Variants in PRH1 observed in about 807,000 individuals in gnomAD.
PRH1 encodes proline rich protein HaeIII subfamily 1, also known as salivary acidic proline-rich phosphoprotein 1/2.
Under a neutral mutation model 7.9 loss-of-function variants are expected in PRH1, and 7 were observed. That is an observed-to-expected ratio of 0.89 (90% CI 0.50 to 1.67). PRH1 has a LOEUF of 1.67. PRH1 is among the 40% of genes most tolerant of loss of function. The probability of loss-of-function intolerance (pLI) is 0.00; values close to 1 mark genes in which losing one functional copy is unlikely to be tolerated. For synonymous variants in PRH1, 45 were observed against 80.8 expected (o/e 0.56, Z 2.38); for missense variants, 109 against 223.6 (o/e 0.49, Z 3.27).
intron 1 of PRH1, among the ~76,000 whole-genome samples, chr12:10,994,336 T>C (rs1383917156): frequency 6.6e-6 from 1 of 152,116 alleles, no homozygotes; most frequent in Non-Finnish European, 1.5e-5. Context: ...CAGTGGGAAA[T>C]AGAAGACAGA....
downstream of PRH1, among the ~76,000 whole-genome samples, chr12:11,118,855 C>G (rs917892952): frequency 6.6e-6 from 1 of 151,914 alleles, no homozygotes; most frequent in Non-Finnish European, 1.5e-5. Flanking sequence ...ATTAGCTGGG[C>G]GTGGTGGCTG....
intron 2 of PRH1, among the ~76,000 whole-genome samples, chr12:10,944,095 A>C (rs1357874284): frequency 1.3e-5 from 2 of 152,126 alleles, no homozygotes; most frequent in African/African-American, 4.8e-5. Context: ...TTGTAAAATA[A>C]ATTTTTCCAG....
chr12:10,997,719 C>G (rs763358752), intron 1 of PRH1: 1 of 1,613,870 alleles, frequency 6.2e-7, no homozygotes, highest in South Asian at 1.1e-5. Context: ...ACTCTGGAGA[C>G]TGCCAGAGCA....
intron 1 of PRH1, among the ~76,000 whole-genome samples, chr12:11,019,011 A>AC: frequency 6.6e-6 from 1 of 152,278 alleles, no homozygotes; most frequent in Admixed American, 6.5e-5. Flanking sequence ...AATAAATTAA[A>AC]AAAAAACTAT....
In PRH1 at chr12:10,972,994, C is replaced by G. The variant is rs371269132; in HGVS notation, c.-59+661G>C. ...GGAGAAATTATTGTCCTATAATTTTCAAAATGAAGAATAAATTTCAGGGAG... is the reference window on the plus strand; with the variant it reads ...GGAGAAATTATTGTCCTATAATTTTGAAAATGAAGAATAAATTTCAGGGAG... On this transcript the variant is annotated intron_variant, in intron 2 of 3. Coordinates refer to the PRH1 transcript ENST00000539853. Among the ~76,000 whole-genome samples, 65 of 117,442 alleles carry G rather than the reference C, an allele frequency of 5.5e-4. No homozygotes were observed. In the East Asian group the frequency reaches 0.011, roughly 20 times the overall value. The allele number at this position is 117,442 out of a possible 152,430, so 77.0% of individuals were successfully genotyped here.
At chr12:11,057,967 G>C in intron 1 of PRH1, among the ~76,000 whole-genome samples, 2 of 134,422 alleles carry the variant, frequency 1.5e-5, no homozygotes, top group Middle Eastern at 7.6e-3. Context: ...TAATATTACA[G>C]CCCGGGCCCT....
chr12:10,944,396 G>T (rs1230377646), intron 2 of PRH1, among the ~76,000 whole-genome samples: 2 of 152,094 alleles, frequency 1.3e-5, no homozygotes, highest in Non-Finnish European at 2.9e-5. Context: ...GAATACAAGT[G>T]ATTTTTGTAC....
At chr12:11,031,433 G>A (rs1267204204) in intron 1 of PRH1, 2 of 1,402,362 alleles carry the variant, frequency 1.4e-6, no homozygotes, top group Non-Finnish European at 1.9e-6. Context: ...CAAAAATGGA[G>A]CCACCGACCT....
intron 1 of PRH1, among the ~76,000 whole-genome samples, chr12:11,167,513 C>G (rs895258258): frequency 1.3e-5 from 2 of 150,474 alleles, no homozygotes; most frequent in Admixed American, 6.6e-5. Context: ...GGCCCCATCT[C>G]GGCTCACTGC....
At chr12:11,026,134 C>A (rs1941900874) in intron 1 of PRH1, among the ~76,000 whole-genome samples, 1 of 152,218 alleles carries the variant, frequency 6.6e-6, no homozygotes, top group African/African-American at 2.4e-5. Context: ...CTCCTGCGCT[C>A]AAGCAATCCT....
intron 1 of PRH1, among the ~76,000 whole-genome samples, chr12:11,157,266 G>A (rs1462595549): frequency 6.6e-6 from 1 of 152,142 alleles, no homozygotes; most frequent in Non-Finnish European, 1.5e-5. Context: ...GAAAATTCAA[G>A]GAGCAGAACT....
chr12:10,961,802 C>A (rs1236018704), intron 2 of PRH1, among the ~76,000 whole-genome samples: 1 of 152,214 alleles, frequency 6.6e-6, no homozygotes, highest in African/African-American at 2.4e-5. Flanking sequence ...CATTCTCCCT[C>A]CTCTCTCGCT....
chr12:10,882,248 T>C lies in PRH1; in HGVS notation c.551A>G (p.Gln184Arg), dbSNP rs763190847. 3.7e-6 allele frequency: 6 copies of C among 1,613,652 alleles called. No homozygotes were observed. Among genetic ancestry groups the C allele is most frequent in the South Asian group, 1.1e-5 (1 of 91,032 alleles). The change falls in exon 3 of 4, where the codon CAG becomes CGG. Residue 184 changes from glutamine to arginine, a missense_variant. This residue lies in a region of PRH1 where 45 missense variants were observed against 88.8 expected (regional missense o/e 0.51). Transcript: ENST00000543626. ...GGRPQGPPQG[Q>R]SPQ The stretch of plus-strand genomic sequence containing the variant: ...TTGAATCCTAGATTACTGAGGAGAC[T>C]GCCCCTGTGGAGGTCCTTGTGGGCG...
intron 1 of PRH1, among the ~76,000 whole-genome samples, chr12:11,163,319 AATAAT>A (rs1353874024): frequency 1.3e-5 from 2 of 152,130 alleles, no homozygotes; most frequent in Non-Finnish European, 2.9e-5. Flanking sequence ...ACATTTATTA[AATAAT>A]CACTAAAAAT....
chr12:11,154,272 G>A (rs1388477646), intron 1 of PRH1, among the ~76,000 whole-genome samples: 1 of 152,138 alleles, frequency 6.6e-6, no homozygotes, highest in Non-Finnish European at 1.5e-5. Context: ...ATCAAGTATT[G>A]TAAGAAGCCA....
chr12:11,084,189 G>A lies in PRH1; in HGVS notation n.124-37001C>T, dbSNP rs998175900. On this transcript the variant is annotated intron_variant and non_coding_transcript_variant, in intron 1 of 4. Transcript: ENST00000541977. ...CCCTCCTTTGTTCCGTGGGCTCTTG[G>A]GATTGTAACGGGCACAAGCAGCACC... 1.6e-4 allele frequency among the ~76,000 whole-genome samples: 4 copies of A among 25,154 alleles called. No individual in the cohort carries two copies. The East Asian group carries it at 9.9e-3, about 62-fold the overall frequency. The allele number at this position is 25,154 out of a possible 152,430, so 16.5% of individuals were successfully genotyped here.
At chr12:11,147,059 T>C (rs1314422892) in intron 1 of PRH1, among the ~76,000 whole-genome samples, 2 of 152,230 alleles carry the variant, frequency 1.3e-5, no homozygotes, top group African/African-American at 4.8e-5. Flanking sequence ...TTTCTATATG[T>C]ATTTTTCAAG....
intron 1 of PRH1, among the ~76,000 whole-genome samples, chr12:11,146,112 G>A (rs933690489): frequency 2.6e-5 from 4 of 152,046 alleles, no homozygotes; most frequent in Non-Finnish European, 4.4e-5. Context: ...AGTAGTGAAA[G>A]AGATTTTTCA....
At chr12:10,999,454 G>A (rs1940473737) in intron 1 of PRH1, among the ~76,000 whole-genome samples, 2 of 152,062 alleles carry the variant, frequency 1.3e-5, no homozygotes, top group Non-Finnish European at 2.9e-5. Context: ...TTTCCCCCTA[G>A]GTATATAATG....
Sources: gnomAD v4.1 joint callset for allele counts (sites outside exome capture counted in the v4.1 genomes callset) on GRCh38, gnomAD v4.1.1 for gene constraint, gnomAD v4.1.1 regional missense constraint, MANE v1.5 for transcripts, NCBI Gene and HGNC (gene_info 2026-07-23, HGNC 2026-07-21) for gene names.